Variants in ERG observed in about 807,000 individuals in gnomAD.
ERG encodes transcriptional regulator ERG.
ERG carries 9 observed loss-of-function variants against 55.3 expected under a neutral mutation model. The ratio of observed to expected loss-of-function variants is 0.16; its 90% CI spans 0.10 to 0.28. ERG has a LOEUF of 0.28. ERG is among the 10% of genes least tolerant of loss of function. The pLI, the probability that ERG is intolerant of heterozygous loss-of-function variation, is 1.00. For missense variants in ERG, 434 were observed against 631.6 expected (o/e 0.69, Z 3.35); for synonymous variants, 223 against 237.3 (o/e 0.94, Z 0.55).
At chr21:38,407,913 T>C in intron 3 of ERG, among the ~76,000 whole-genome samples, 1 of 144,318 alleles carries the variant, frequency 6.9e-6, no homozygotes, top group African/African-American at 2.6e-5. Flanking sequence ...CTTACATATA[T>C]GCTATATATA....
downstream of ERG, among the ~76,000 whole-genome samples, chr21:38,376,040 A>T (rs910301447): frequency 4.6e-5 from 7 of 152,238 alleles, no homozygotes; most frequent in African/African-American, 1.4e-4. Context: ...GATCTTAACA[A>T]GTACTCAGCC....
chr21:38,500,173 T>C (rs943048246), upstream of ERG, among the ~76,000 whole-genome samples: 1 of 152,230 alleles, frequency 6.6e-6, no homozygotes, highest in Non-Finnish European at 1.5e-5. Context: ...GAAGCATCAA[T>C]GTAAAATGTT....
At chr21:38,555,538 G>T (rs1267273189) in intron 2 of ERG, among the ~76,000 whole-genome samples, 1 of 151,812 alleles carries the variant, frequency 6.6e-6, no homozygotes, top group African/African-American at 2.4e-5. Context: ...TAACTTATAT[G>T]TTACATCCTT....
rs1601418423 is a variant in ERG, at chr21:38,449,472, T to A, written c.19-3851A>T. Among the ~76,000 whole-genome samples the A allele has an allele frequency of 2.0e-5, 3 of 152,334 alleles. No homozygotes were observed. The South Asian group carries it at 6.2e-4, about 32-fold the overall frequency. On this transcript the variant is annotated intron_variant, in intron 1 of 9. Transcript: ENST00000288319. Reference sequence around the variant, plus strand: ...TGAGGACCATTCCTTTGGATTTTGGTCATGGGATAACAGTTCCAGAAATGA... The same window carrying A: ...TGAGGACCATTCCTTTGGATTTTGGACATGGGATAACAGTTCCAGAAATGA...
At chr21:38,513,669 T>C (rs1447824719) in intron 2 of ERG, among the ~76,000 whole-genome samples, 1 of 152,004 alleles carries the variant, frequency 6.6e-6, no homozygotes, top group African/African-American at 2.4e-5. Context: ...GAAGAGTAAA[T>C]ATGAAGTGGA....
At chr21:38,424,419 C>T (rs1431318516) in intron 2 of ERG, among the ~76,000 whole-genome samples, 1 of 152,182 alleles carries the variant, frequency 6.6e-6, no homozygotes, top group Non-Finnish European at 1.5e-5. Context: ...TAGGACAGTG[C>T]CCATACTGGC....
intron 2 of ERG, among the ~76,000 whole-genome samples, chr21:38,441,160 A>G (rs1378933572): frequency 6.6e-6 from 1 of 152,190 alleles, no homozygotes; most frequent in African/African-American, 2.4e-5. Context: ...TCTAAAAAGT[A>G]CAATGGGTCA....
chr21:38,384,969 G>A (rs566377309), intron 9 of ERG, among the ~76,000 whole-genome samples: 2 of 152,240 alleles, frequency 1.3e-5, no homozygotes, highest in Admixed American at 1.3e-4. Context: ...ATTTCCAGAA[G>A]AAAAACCCCA....
downstream of ERG, among the ~76,000 whole-genome samples, chr21:38,377,906 C>T (rs189456181): frequency 1.1e-3 from 171 of 152,326 alleles, no homozygotes; most frequent in Middle Eastern, 3.4e-3. Flanking sequence ...AGGGGGTGGT[C>T]TTCCTCATAA....
At chr21:38,603,416 C>T (rs1412839938) in intron 1 of ERG, among the ~76,000 whole-genome samples, 4 of 151,976 alleles carry the variant, frequency 2.6e-5, no homozygotes, top group African/African-American at 4.8e-5. Flanking sequence ...GTCAAGAGAT[C>T]GAGACCATCC....
chr21:38,568,579 T>G (rs1260651919), intron 2 of ERG, among the ~76,000 whole-genome samples: 2 of 152,178 alleles, frequency 1.3e-5, no homozygotes, highest in Non-Finnish European at 2.9e-5. Context: ...AAACAAATCC[T>G]GGGTAAGCTG....
chr21:38,380,735 T>G lies in ERG; in HGVS notation c.*2668A>C. On this transcript the variant is annotated 3_prime_UTR_variant, in exon 10 of 10. Transcript: ENST00000288319. The stretch of plus-strand genomic sequence containing the variant: ...AAATTATCCCAGTTGCTCATAAGAC[T>G]TGCTAATAACCTGGACTGGGGGTGG... The G allele has an allele frequency of 9.4e-7, 1 of 1,065,208 alleles. No individual in the cohort carries two copies. Among genetic ancestry groups the G allele is most frequent in the Non-Finnish European group, 1.1e-6 (1 of 879,230 alleles). 66.0% of individuals were successfully genotyped at this position (1,065,208 alleles called of 1,614,324 possible).
chr21:38,584,764 C>T (rs1175367457), intron 1 of ERG: 1 of 151,996 alleles, frequency 6.6e-6, no homozygotes, highest in Admixed American at 6.5e-5. Flanking sequence ...AGGAAAGATA[C>T]AAAATATTTA....
In ERG at chr21:38,383,993, T is replaced by C; in HGVS notation, c.920-70A>G. The C allele has an allele frequency of 6.5e-7, 1 of 1,536,916 alleles. No homozygotes were observed. The highest frequency in any genetic ancestry group is 2.4e-4 in the Middle Eastern group (1 of 4,198). On this transcript the variant is annotated intron_variant, in intron 9 of 9. Coordinates refer to ENST00000288319, the MANE Select transcript of ERG (RefSeq NM_182918.4). This position sits in a 1 kb window ranked among gnomAD's most constrained non-coding sequence, Gnocchi z 5.7. ...TCCAGGGGAAAGAGGCTCTCTGTGATGACGGAAGGAGGTGCTATTGGTGTG... is the reference window on the plus strand; with the variant it reads ...TCCAGGGGAAAGAGGCTCTCTGTGACGACGGAAGGAGGTGCTATTGGTGTG...
intron 1 of ERG, among the ~76,000 whole-genome samples, chr21:38,611,187 G>A (rs576505883): frequency 2.7e-5 from 4 of 147,964 alleles, no homozygotes; most frequent in South Asian, 2.1e-4. Context: ...CCACTGCAAC[G>A]TCCCTGGTCC....
chr21:38,471,268 TG>T (rs2059136471), intron 1 of ERG: 1 of 152,124 alleles, frequency 6.6e-6, no homozygotes, highest in African/African-American at 2.4e-5. Context: ...CCTGAGCAGA[TG>T]GGTGTTTGGG....
At chr21:38,412,303 CT>C (rs1401818461) in intron 3 of ERG, among the ~76,000 whole-genome samples, 1 of 152,052 alleles carries the variant, frequency 6.6e-6, no homozygotes, top group African/African-American at 2.4e-5. Context: ...TCTTCATTCA[CT>C]TTTTTTTCTT....
intron 1 of ERG, among the ~76,000 whole-genome samples, chr21:38,590,016 T>G (rs1204370933): frequency 6.6e-6 from 1 of 152,194 alleles, no homozygotes; most frequent in Admixed American, 6.5e-5. Flanking sequence ...CAGTTCTAAT[T>G]TTAAAATAAA....
At chr21:38,405,874 C>T (rs1988737995) in intron 3 of ERG, among the ~76,000 whole-genome samples, 1 of 152,128 alleles carries the variant, frequency 6.6e-6, no homozygotes, top group African/African-American at 2.4e-5. Flanking sequence ...GTGCACAGGC[C>T]AGGCGCGGTG....
Sources: gnomAD v4.1 joint callset for allele counts (sites outside exome capture counted in the v4.1 genomes callset) on GRCh38, gnomAD v4.1.1 for gene constraint, Gnocchi (gnomAD v3.1) non-coding constraint, MANE v1.5 for transcripts, NCBI Gene and HGNC (gene_info 2026-07-23, HGNC 2026-07-21) for gene names.